KIAA0825: variants seen among roughly 807,000 people sequenced by gnomAD.
KIAA0825 encodes the protein KIAA0825, also known as uncharacterized protein KIAA0825.
A neutral mutation model predicts 147.6 loss-of-function variants in KIAA0825; 119 were observed. The ratio of observed to expected loss-of-function variants is 0.81; its 90% confidence interval spans 0.69 to 0.94. The LOEUF (loss-of-function observed/expected upper bound fraction) is 0.94, where lower values mean the gene tolerates loss of function less well. Ranked by LOEUF, KIAA0825 falls within the 40% of genes least tolerant of loss-of-function variation. KIAA0825 has a pLI of 0.00. For synonymous variants in KIAA0825, 470 were observed against 518.1 expected, an observed-to-expected ratio of 0.91 and a Z score of 1.26; for missense variants, 1,381 against 1,472.7, an observed-to-expected ratio of 0.94 and a Z score of 1.02.
intron 20 of KIAA0825, among the ~76,000 whole-genome samples, chr5:94,217,943 T>A (rs911264851): frequency 2.0e-5 from 3 of 151,556 alleles, no homozygotes; most frequent in African/African-American, 7.2e-5. Context: ...CCAATAGTAT[T>A]ACAATCATAA....
intron 20 of KIAA0825, among the ~76,000 whole-genome samples, chr5:94,271,229 C>G (rs973560794): frequency 2.0e-5 from 3 of 152,082 alleles, no homozygotes; most frequent in African/African-American, 7.2e-5. Context: ...GAGTAATACC[C>G]TATAAGCACA....
At chr5:94,602,514 C>T (rs1455646649) in intron 1 of KIAA0825, among the ~76,000 whole-genome samples, 14 of 152,126 alleles carry the variant, frequency 9.2e-5, no homozygotes, top group African/African-American at 2.9e-4. Flanking sequence ...GTAATCCCAA[C>T]GTGTTGTTGA....
chr5:94,381,372 T>C (rs909869557), intron 20 of KIAA0825, among the ~76,000 whole-genome samples: 1 of 152,180 alleles, frequency 6.6e-6, no homozygotes, highest in Admixed American at 6.5e-5. Flanking sequence ...AGAAAATATT[T>C]GGGAAAAAAA....
At chr5:94,259,011 A>T (rs1776370843) in intron 20 of KIAA0825, among the ~76,000 whole-genome samples, 1 of 152,004 alleles carries the variant, frequency 6.6e-6, no homozygotes, top group Non-Finnish European at 1.5e-5. Flanking sequence ...TGTTCATGTA[A>T]ATTCAACTGC....
At chr5:94,564,993 C>CCT (rs1245913455) in intron 2 of KIAA0825, among the ~76,000 whole-genome samples, 7 of 125,854 alleles carry the variant, frequency 5.6e-5, no homozygotes, top group African/African-American at 1.2e-4. Flanking sequence ...CTTCTCTTCT[C>CCT]CTCTCTCTCT....
intron 20 of KIAA0825, among the ~76,000 whole-genome samples, chr5:94,362,660 A>G (rs1287388074): frequency 1.4e-5 from 2 of 142,596 alleles, no homozygotes; most frequent in Non-Finnish European, 3.2e-5. Context: ...AGCTATACCC[A>G]CTGATTTTTT....
intron 14 of KIAA0825, among the ~76,000 whole-genome samples, chr5:94,432,339 A>G (rs1175642916): frequency 1.3e-5 from 2 of 152,156 alleles, no homozygotes; most frequent in African/African-American, 4.8e-5. Context: ...TCCCCAGGTA[A>G]TATGTTTGCA....
intron 20 of KIAA0825, among the ~76,000 whole-genome samples, chr5:94,217,288 A>G (rs889852760): frequency 2.0e-5 from 3 of 152,226 alleles, no homozygotes; most frequent in African/African-American, 7.2e-5. Flanking sequence ...AATAAATAGC[A>G]TAGTGAAAAA....
At chr5:94,506,745 T>A (rs1765782202) in intron 5 of KIAA0825, among the ~76,000 whole-genome samples, 2 of 152,190 alleles carry the variant, frequency 1.3e-5, no homozygotes, top group Admixed American at 1.3e-4. Context: ...ATCATGTAAA[T>A]GTCATAATGG....
rs756669443 is a variant in KIAA0825 at position 94,477,153 on chromosome 5, G to A, written c.1185C>T (p.Asn395=). The change falls in exon 7 of 21, where the codon AAC becomes AAT. Residue 395 remains asparagine (N), a synonymous_variant. Coordinates refer to ENST00000682413, the MANE Select transcript of KIAA0825 (RefSeq NM_001145678.3). ...ATTGCTCGGAAGGAATATTGGTTTC[G>A]TTTGCTCTAGGTTTTTCCATTACAA... ...REVVMEKPRA[N]ETNIPSEQSL... The A allele has an allele frequency of 1.3e-4, 198 of 1,549,926 alleles. No individual in the cohort carries two copies. Among genetic ancestry groups the A allele is most frequent in the Non-Finnish European group, 1.6e-4 (178 of 1,146,574 alleles).
At chr5:94,481,272 A>G (rs1423743514) in intron 6 of KIAA0825, among the ~76,000 whole-genome samples, 7 of 152,036 alleles carry the variant, frequency 4.6e-5, no homozygotes, top group Admixed American at 4.6e-4. Flanking sequence ...GGTTCATTTT[A>G]TACTTCTGGT....
At chr5:94,302,293 C>T (rs988322519) in intron 20 of KIAA0825, among the ~76,000 whole-genome samples, 19 of 152,078 alleles carry the variant, frequency 1.2e-4, no homozygotes, top group African/African-American at 4.6e-4. Context: ...TCACAGCCCG[C>T]GTCACTCTTC....
chr5:94,381,071 T>G (rs1388961354), intron 20 of KIAA0825, among the ~76,000 whole-genome samples: 1 of 152,196 alleles, frequency 6.6e-6, no homozygotes, highest in East Asian at 1.9e-4. Context: ...CTTTTTGACC[T>G]TCCTTCTTGC....
chr5:94,337,651 A>G (rs1376005820), intron 20 of KIAA0825, among the ~76,000 whole-genome samples: 1 of 152,192 alleles, frequency 6.6e-6, no homozygotes, highest in Non-Finnish European at 1.5e-5. Flanking sequence ...TATCTGAGGA[A>G]TAGTCTAGAG....
chr5:94,518,693 T>C (rs1025092133), intron 5 of KIAA0825, among the ~76,000 whole-genome samples: 1 of 152,102 alleles, frequency 6.6e-6, no homozygotes, highest in Admixed American at 6.6e-5. Flanking sequence ...CACTTAATAA[T>C]TGTTTCATAT....
intron 1 of KIAA0825, among the ~76,000 whole-genome samples, chr5:94,596,659 C>A (rs1053918593): frequency 5.9e-5 from 9 of 152,126 alleles, no homozygotes; most frequent in Non-Finnish European, 1.3e-4. Flanking sequence ...CTGTAAATTG[C>A]TTTGGGCAGT....
rs373068082 is a variant in KIAA0825 at position 94,459,396 on chromosome 5, C to T, written c.2246+2991G>A. ...CAACATTTCATATAAGCATATTCTA[C>T]GCTTAACATTTTGGGGACCTGCCTA... On this transcript the variant is annotated intron_variant, in intron 12 of 20. Transcript: ENST00000682413. Among the ~76,000 whole-genome samples, 37 of 152,096 alleles carry T rather than the reference C, an allele frequency of 2.4e-4. 1 individual carries two copies. The highest frequency in any genetic ancestry group is 4.1e-4 in the South Asian group (2 of 4,832).
rs114493352 is a variant in KIAA0825 at position 94,530,768 on chromosome 5, C to A, written c.131+6228G>T. On this transcript the variant is annotated intron_variant, in intron 3 of 20. Coordinates refer to ENST00000682413, the MANE Select transcript of KIAA0825 (RefSeq NM_001145678.3). ...CCAGTCCTCTTATAGTGTTCCCTCC[C>A]CTGTTTCTGCTTTCAGAGCTGGGCC... Among the ~76,000 whole-genome samples the A allele has an allele frequency of 5.2e-3, 792 of 151,904 alleles. 3 individuals are homozygous for A. Among genetic ancestry groups the A allele is most frequent in the African/African-American group, 0.018 (763 of 41,478 alleles).
intron 5 of KIAA0825, among the ~76,000 whole-genome samples, chr5:94,508,506 T>A (rs949906040): frequency 6.6e-6 from 1 of 151,988 alleles, no homozygotes; most frequent in Admixed American, 6.6e-5. Flanking sequence ...ACATTGTTTG[T>A]AGTGTGCATT....
Sources: allele counts gnomAD v4.1 joint callset (sites outside exome capture counted in the v4.1 genomes callset), GRCh38; gene constraint gnomAD v4.1.1; transcripts MANE v1.5; gene names NCBI Gene and HGNC (gene_info 2026-07-23, HGNC 2026-07-21).